The following VPS33A variants were observed in gnomAD, a reference collection of about 807,000 sequenced individuals.
VPS33A encodes the protein vacuolar protein sorting-associated protein 33A.
A neutral mutation model predicts 71.8 loss-of-function variants in VPS33A; 32 were observed. The observed-to-expected ratio is 0.45, with a 90% CI of 0.34 to 0.60. The LOEUF (loss-of-function observed/expected upper bound fraction) is 0.60, where lower values mean the gene tolerates loss of function less well. Ranked by LOEUF, VPS33A falls within the 20% of genes least tolerant of loss-of-function variation. The pLI is 0.02. For synonymous variants in VPS33A, 311 were observed against 292.7 expected, an observed-to-expected ratio of 1.06 and a Z score of -0.64; for missense variants, 625 against 748.5, an observed-to-expected ratio of 0.84 and a Z score of 1.92.
intron 5 of VPS33A, among the ~76,000 whole-genome samples, chr12:122,250,421 A>C (rs1954827661): frequency 6.6e-6 from 1 of 152,130 alleles, no homozygotes; most frequent in Non-Finnish European, 1.5e-5. Flanking sequence ...TCAATACGTA[A>C]CCCAGTTTTA....
intron 4 of VPS33A, among the ~76,000 whole-genome samples, chr12:122,259,187 G>GTGTGTA (rs776992323): frequency 1.4e-5 from 2 of 144,646 alleles, no homozygotes; most frequent in African/African-American, 5.1e-5. Context: ...GTATGTATGT[G>GTGTGTA]TGTATGTATG....
At chr12:122,233,311 C>CGAG (rs1954589054) in intron 11 of VPS33A, among the ~76,000 whole-genome samples, 1 of 151,986 alleles carries the variant, frequency 6.6e-6, no homozygotes, top group African/African-American at 2.4e-5. Context: ...CTGCAACCTC[C>CGAG]GCCTCCCTAG....
At position 122,235,994 on chromosome 12, in the gene VPS33A, C is replaced by T. The variant is rs1000629477; in HGVS notation, c.1303-71G>A. On this transcript the variant is annotated intron_variant, in intron 10 of 12. Coordinates refer to ENST00000267199, the MANE Select transcript of VPS33A (RefSeq NM_022916.6). Reference sequence around the variant, plus strand: ...TTTCTGCAATTTTCAAAGAAGGGCACTTCCAACAAATCAATTTGGTTTGTA... The same window carrying T: ...TTTCTGCAATTTTCAAAGAAGGGCATTTCCAACAAATCAATTTGGTTTGTA... 16 of 1,538,576 alleles carry T rather than the reference C, an allele frequency of 1.0e-5. No homozygotes were observed. The African/African-American group carries it at 1.9e-4, about 19-fold the overall frequency.
At chr12:122,241,063 G>A (rs2136128940) in intron 8 of VPS33A, 1 of 151,376 alleles carries the variant, frequency 6.6e-6, no homozygotes, top group South Asian at 2.1e-4. Context: ...GAACCCGGGA[G>A]GCAGAGGTTG....
intron 3 of VPS33A, among the ~76,000 whole-genome samples, chr12:122,262,880 T>C (rs993243554): frequency 6.6e-6 from 1 of 152,056 alleles, no homozygotes; most frequent in Non-Finnish European, 1.5e-5. Context: ...ATGGGGTCCA[T>C]GAGATGTTTT....
chr12:122,258,473 G>C (rs1954947528), intron 4 of VPS33A, among the ~76,000 whole-genome samples: 1 of 152,086 alleles, frequency 6.6e-6, no homozygotes, highest in South Asian at 2.1e-4. Flanking sequence ...GGAGAGACTT[G>C]CATTTAGAAT....
In VPS33A at chr12:122,263,348, G is replaced by A. The variant is rs112253096; in HGVS notation, c.296+224C>T. ...TTATTAACTATAGTCACCCTGTTGT[G>A]CTATCAAATAGTAGGTCTTATTCTA... On this transcript the variant is annotated intron_variant, in intron 3 of 12. Coordinates refer to ENST00000267199, the MANE Select transcript of VPS33A (RefSeq NM_022916.6). 4.6e-5 allele frequency among the ~76,000 whole-genome samples: 7 copies of A among 152,152 alleles called. 2 individuals carry two copies. The highest frequency in any genetic ancestry group is 1.7e-4 in the African/African-American group (7 of 41,498).
rs932727949 is a variant in VPS33A, at chr12:122,231,390, A to G, written c.*856T>C. 6.6e-6 allele frequency: 1 copy of G among 152,192 alleles called. No individual in the cohort carries two copies. Among genetic ancestry groups the G allele is most frequent in the Non-Finnish European group, 1.5e-5 (1 of 68,036 alleles). 9.4% of individuals were successfully genotyped at this position (152,192 alleles called of 1,614,324 possible). On this transcript the variant is annotated 3_prime_UTR_variant, in exon 13 of 13. Coordinates refer to ENST00000267199, the MANE Select transcript of VPS33A (RefSeq NM_022916.6). ...AAGTAGAAGGAAGCAAACTTGCCTT[A>G]GTGATCAGTTGCGACAGTGACTGAT...
intron 4 of VPS33A, among the ~76,000 whole-genome samples, chr12:122,260,487 C>T (rs536936471): frequency 1.1e-3 from 169 of 151,934 alleles, no homozygotes; most frequent in African/African-American, 3.4e-3. Context: ...CTAGTAGAGA[C>T]GGGGTTTCCC....
intron 4 of VPS33A, among the ~76,000 whole-genome samples, chr12:122,255,486 A>G (rs1954904326): frequency 6.6e-6 from 1 of 152,088 alleles, no homozygotes; most frequent in Non-Finnish European, 1.5e-5. Flanking sequence ...TGAGCAGATC[A>G]TGAGGTCAGG....
intron 11 of VPS33A, among the ~76,000 whole-genome samples, chr12:122,234,104 A>T (rs759814156): frequency 6.6e-6 from 1 of 152,158 alleles, no homozygotes; most frequent in Non-Finnish European, 1.5e-5. Flanking sequence ...AGTGCACCCC[A>T]CTTTGGAGAC....
In VPS33A at chr12:122,239,930, A is replaced by G; in HGVS notation, c.1112T>C (p.Phe371Ser). Reference sequence around the variant, plus strand: ...CTCCTGTTCCACGGTTAATTTATCAAAAAAGTCTTCAGAAGCTAAAATGAA... The same window carrying G: ...CTCCTGTTCCACGGTTAATTTATCAGAAAAGTCTTCAGAAGCTAAAATGAA... ...IKDVTTSEDF[F>S]DKLTVEQEFM... The change falls in exon 9 of 13, where the codon TTT (phenylalanine) becomes TCT (serine). Residue 371 changes from phenylalanine to serine, a missense_variant. Phe to Ser is a radical substitution (Grantham distance 155). Coordinates refer to ENST00000267199, the MANE Select transcript of VPS33A (RefSeq NM_022916.6). 1 of 1,613,650 alleles carries G rather than the reference A, an allele frequency of 6.2e-7. No homozygotes were observed. The highest frequency in any genetic ancestry group is 8.5e-7 in the Non-Finnish European group (1 of 1,179,770).
intron 1 of VPS33A, chr12:122,265,824 G>C (rs996707295): frequency 4.8e-6 from 2 of 417,860 alleles, no homozygotes; most frequent in African/African-American, 4.1e-5. Flanking sequence ...TACTAGAGAA[G>C]TTATACTGTT....
chr12:122,232,780 G>C lies in VPS33A; in HGVS notation c.1609+20C>G. ...CACTAACAGTACATAATTATCTGTA[G>C]ATGCTGGACTGGGACTTACGTTTCT... On this transcript the variant is annotated intron_variant, in intron 12 of 12. Transcript: ENST00000267199. 1.2e-6 allele frequency: 2 copies of C among 1,602,416 alleles called. No homozygotes were observed. Among genetic ancestry groups the C allele is most frequent in the Non-Finnish European group, 1.7e-6 (2 of 1,172,994 alleles).
chr12:122,244,770 G>T lies in VPS33A; in HGVS notation c.776-8C>A. Reference sequence around the variant, plus strand: ...GAGGTAATTTCACATAACCTGAGCAGCAGTGGAAGGGAATAAGCACCTGTG... The same window carrying T: ...GAGGTAATTTCACATAACCTGAGCATCAGTGGAAGGGAATAAGCACCTGTG... On this transcript the variant is annotated splice_polypyrimidine_tract_variant and splice_region_variant and intron_variant, in intron 6 of 12. Coordinates refer to ENST00000267199, the MANE Select transcript of VPS33A (RefSeq NM_022916.6). 1.9e-6 allele frequency: 3 copies of T among 1,606,930 alleles called. No individual in the cohort carries two copies. The highest frequency in any genetic ancestry group is 2.6e-6 in the Non-Finnish European group (3 of 1,174,606).
intron 6 of VPS33A, chr12:122,249,534 A>G (rs1352428828): frequency 1.2e-5 from 2 of 166,498 alleles, no homozygotes; most frequent in Non-Finnish European, 2.6e-5. Context: ...TGGTTCCATA[A>G]TATTTCATAA....
At chr12:122,244,261 C>T (rs1316384341) in intron 7 of VPS33A, among the ~76,000 whole-genome samples, 1 of 152,176 alleles carries the variant, frequency 6.6e-6, no homozygotes, top group Non-Finnish European at 1.5e-5. Context: ...AGATGGCTTC[C>T]TCTTAGGCAA....
At chr12:122,234,959 C>T (rs1954610139) in intron 11 of VPS33A, among the ~76,000 whole-genome samples, 1 of 152,182 alleles carries the variant, frequency 6.6e-6, no homozygotes, top group Admixed American at 6.5e-5. Flanking sequence ...AAGGGCTCCC[C>T]ACTGCACTGC....
At chr12:122,250,180 A>T in intron 5 of VPS33A, 135 bp from the exon 6 acceptor site, 2 of 984,572 alleles carry the variant, frequency 2.0e-6, no homozygotes, top group South Asian at 3.8e-5. Flanking sequence ...AGAAATAAGC[A>T]GCTCTAGAAA....
Sources: gnomAD v4.1 joint callset for allele counts (sites outside exome capture counted in the v4.1 genomes callset) on GRCh38, gnomAD v4.1.1 for gene constraint, MANE v1.5 for transcripts, NCBI Gene and HGNC (gene_info 2026-07-23, HGNC 2026-07-21) for gene names.